SLC25A21: variants seen among roughly 807,000 people sequenced by gnomAD.
SLC25A21 encodes the protein mitochondrial 2-oxodicarboxylate carrier.
SLC25A21 carries 47 observed loss-of-function variants against 43.8 expected under a neutral mutation model. That is an observed-to-expected ratio of 1.07 (90% CI 0.85 to 1.37). The LOEUF is 1.37. SLC25A21 is among the 40% of genes most tolerant of loss of function. The pLI is 0.00. For missense variants in SLC25A21, 352 were observed against 350.2 expected (o/e 1.00, Z -0.04); for synonymous variants, 131 against 121.3 (o/e 1.08, Z -0.52).
At chr14:36,834,966 C>A (rs1889159442) in intron 2 of SLC25A21, among the ~76,000 whole-genome samples, 1 of 152,190 alleles carries the variant, frequency 6.6e-6, no homozygotes, top group Non-Finnish European at 1.5e-5. Flanking sequence ...CAAATGTGAA[C>A]TGGGAAATCA....
At chr14:37,118,042 A>G (rs1209231752) in intron 1 of SLC25A21, among the ~76,000 whole-genome samples, 1 of 152,100 alleles carries the variant, frequency 6.6e-6, no homozygotes, top group South Asian at 2.1e-4. Context: ...CAGAAACTAA[A>G]CCACCTTTGC....
intron 1 of SLC25A21, among the ~76,000 whole-genome samples, chr14:36,986,308 A>C (rs1226944424): frequency 6.6e-6 from 1 of 152,168 alleles, no homozygotes; most frequent in African/African-American, 2.4e-5. Context: ...TCATATTAGT[A>C]ACCTCCATGT....
chr14:36,877,987 G>A (rs1012361910), intron 1 of SLC25A21, among the ~76,000 whole-genome samples: 8 of 152,066 alleles, frequency 5.3e-5, no homozygotes, highest in African/African-American at 1.9e-4. Context: ...TGTAAGCAGA[G>A]GAGTGGTATT....
chr14:36,926,907 CT>C (rs1244799588), intron 1 of SLC25A21, among the ~76,000 whole-genome samples: 1 of 152,080 alleles, frequency 6.6e-6, no homozygotes, highest in Non-Finnish European at 1.5e-5. Flanking sequence ...TGGCTTATGC[CT>C]GGGAGGCATA....
intron 1 of SLC25A21, among the ~76,000 whole-genome samples, chr14:36,943,340 C>T (rs1892610239): frequency 6.6e-6 from 1 of 152,076 alleles, no homozygotes; most frequent in Admixed American, 6.6e-5. Flanking sequence ...TACAGGCACG[C>T]TCCACCACAC....
At chr14:36,882,510 G>A (rs1890765419) in intron 1 of SLC25A21, among the ~76,000 whole-genome samples, 1 of 152,118 alleles carries the variant, frequency 6.6e-6, no homozygotes, top group Admixed American at 6.6e-5. Flanking sequence ...GGTATCTCTA[G>A]GTTGTGAACA....
intron 1 of SLC25A21, among the ~76,000 whole-genome samples, chr14:36,934,730 GA>G (rs1892377120): frequency 6.6e-6 from 1 of 152,088 alleles, no homozygotes; most frequent in Non-Finnish European, 1.5e-5. Context: ...AAGAGAGAGA[GA>G]GAGAGAGAGA....
At chr14:36,965,905 G>C (rs1237168769) in intron 1 of SLC25A21, among the ~76,000 whole-genome samples, 1 of 152,098 alleles carries the variant, frequency 6.6e-6, no homozygotes, top group Non-Finnish European at 1.5e-5. Context: ...GTAACACAAA[G>C]AATAAATGCT....
intron 1 of SLC25A21, among the ~76,000 whole-genome samples, chr14:37,025,149 T>C (rs546113762): frequency 1.2e-4 from 18 of 152,190 alleles, no homozygotes; most frequent in Admixed American, 1.1e-3. Flanking sequence ...AATAAACAAG[T>C]AGGAAAGAAT....
intron 1 of SLC25A21, among the ~76,000 whole-genome samples, chr14:37,015,825 C>T (rs1361167493): frequency 3.3e-5 from 5 of 152,168 alleles, no homozygotes; most frequent in Non-Finnish European, 7.3e-5. Flanking sequence ...TGTTTTTTGG[C>T]TGCATAAATG....
chr14:36,989,002 A>T (rs1960205551), intron 1 of SLC25A21, among the ~76,000 whole-genome samples: 1 of 152,244 alleles, frequency 6.6e-6, no homozygotes, highest in East Asian at 1.9e-4. Flanking sequence ...AGCAAAAATT[A>T]ATTTTTTGAA....
chr14:37,142,522 G>T (rs1963587814), intron 1 of SLC25A21, among the ~76,000 whole-genome samples: 1 of 152,066 alleles, frequency 6.6e-6, no homozygotes, highest in South Asian at 2.1e-4. Context: ...TACCATATCT[G>T]GTTCATTTTT....
At chr14:36,793,083 C>A (rs1006007639) in intron 3 of SLC25A21, among the ~76,000 whole-genome samples, 2 of 152,042 alleles carry the variant, frequency 1.3e-5, no homozygotes, top group Non-Finnish European at 2.9e-5. Flanking sequence ...CTGAGTATAA[C>A]AAAAATATCA....
intron 3 of SLC25A21, among the ~76,000 whole-genome samples, chr14:36,801,683 A>T (rs1887873804): frequency 6.6e-6 from 1 of 152,194 alleles, no homozygotes; most frequent in African/African-American, 2.4e-5. Context: ...AAGAGTCTCT[A>T]TAATATTGTC....
intron 1 of SLC25A21, among the ~76,000 whole-genome samples, chr14:37,113,215 GCTT>G (rs1963050464): frequency 6.6e-6 from 1 of 152,050 alleles, no homozygotes; most frequent in African/African-American, 2.4e-5. Flanking sequence ...CTATCTGCTA[GCTT>G]CTTATTACAC....
chr14:36,678,211 T>G lies in SLC25A21; in HGVS notation c.*2447A>C, dbSNP rs1161212667. ...TTCGTGGCTTCGTTTAAAACTCAGATGGCTAGATTAGTTAGGTTTTCAAAT... is the reference window on the plus strand; with the variant it reads ...TTCGTGGCTTCGTTTAAAACTCAGAGGGCTAGATTAGTTAGGTTTTCAAAT... On this transcript the variant is annotated 3_prime_UTR_variant, in exon 10 of 10. Coordinates refer to ENST00000331299, the MANE Select transcript of SLC25A21 (RefSeq NM_030631.4). The G allele has an allele frequency of 2.0e-6, 1 of 493,764 alleles. No individual in the cohort carries two copies. The allele number at this position is 493,764 out of a possible 1,614,324, so 30.6% of individuals were successfully genotyped here.
At chr14:37,059,918 G>C (rs573198196) in intron 1 of SLC25A21, among the ~76,000 whole-genome samples, 3 of 152,250 alleles carry the variant, frequency 2.0e-5, no homozygotes, top group African/African-American at 4.8e-5. Flanking sequence ...ACAAACAAAA[G>C]TGTGTTTCAC....
chr14:36,923,510 C>T (rs113875309), intron 1 of SLC25A21, among the ~76,000 whole-genome samples: 1 of 152,076 alleles, frequency 6.6e-6, no homozygotes. Flanking sequence ...AGAAATGATA[C>T]ATGTGAGAGT....
At position 36,850,836 on chromosome 14, in the gene SLC25A21, C is replaced by T. The variant is rs147816377; in HGVS notation, c.119+24120G>A. On this transcript the variant is annotated intron_variant, in intron 2 of 9. Transcript: ENST00000331299. ...CAATATTTTGGTCTTGATTATGCTCCGTCCAACCCCATCATTCACTACTAG... is the reference window on the plus strand; with the variant it reads ...CAATATTTTGGTCTTGATTATGCTCTGTCCAACCCCATCATTCACTACTAG... Among the ~76,000 whole-genome samples the T allele has an allele frequency of 5.1e-4, 78 of 152,188 alleles. 1 individual carries two copies. Among genetic ancestry groups the T allele is most frequent in the African/African-American group, 1.4e-3 (58 of 41,550 alleles).
Sources: allele counts gnomAD v4.1 joint callset (sites outside exome capture counted in the v4.1 genomes callset), GRCh38; gene constraint gnomAD v4.1.1; transcripts MANE v1.5; gene names NCBI Gene and HGNC (gene_info 2026-07-23, HGNC 2026-07-21).